IRAG2: variants seen among roughly 807,000 people sequenced by gnomAD.
IRAG2 encodes the protein lymphoid restricted membrane protein.
A neutral mutation model predicts 69.9 loss-of-function variants in IRAG2; 45 were observed. That is an observed-to-expected ratio of 0.64 (90% CI 0.51 to 0.83). The LOEUF is 0.83. Among genes scored for constraint, IRAG2 ranks in the 40% least tolerant of loss-of-function variants. The probability of loss-of-function intolerance (pLI) is 0.00; values close to 1 mark genes in which losing one functional copy is unlikely to be tolerated. For missense variants in IRAG2, 520 were observed against 587.0 expected (o/e 0.89, Z 1.18); for synonymous variants, 193 against 202.4 (o/e 0.95, Z 0.40).
chr12:25,050,514 C>CGA (rs1254672152), upstream of IRAG2, among the ~76,000 whole-genome samples: 1 of 116,366 alleles, frequency 8.6e-6, no homozygotes, highest in African/African-American at 3.0e-5. Flanking sequence ...GGAGACAGAG[C>CGA]GAGACTCCGT....
chr12:25,089,835 G>T, intron 13 of IRAG2, 45 bp downstream of exon 13: 1 of 1,591,042 alleles, frequency 6.3e-7, no homozygotes, highest in South Asian at 1.1e-5. Context: ...AAGTGTTCCA[G>T]ACTCACCTGC....
intron 17 of IRAG2, 143 bp from the exon 18 acceptor site, chr12:25,103,694 C>T (rs1254741829): frequency 8.5e-6 from 5 of 590,840 alleles, no homozygotes; most frequent in African/African-American, 1.9e-5. Context: ...AATTTGGCCA[C>T]AAGAGGATCC....
intron 13 of IRAG2, 56 bp from the exon 14 acceptor site, chr12:25,090,001 C>T (rs1947928029): frequency 1.3e-6 from 2 of 1,559,568 alleles, no homozygotes; most frequent in Non-Finnish European, 1.8e-6. Flanking sequence ...ACTGAAACAT[C>T]TGACCACATC....
chr12:25,071,152 C>A (rs860877), intron 6 of IRAG2, among the ~76,000 whole-genome samples: 1 of 151,714 alleles, frequency 6.6e-6, no homozygotes, highest in Non-Finnish European at 1.5e-5. Flanking sequence ...GTCAGGAGCT[C>A]AAGAACAACC....
chr12:25,036,616 T>A (rs1356401730), exon 15 of IRAG2: 1 of 398,804 alleles, frequency 2.5e-6, no homozygotes, highest in Non-Finnish European at 4.4e-6. Context: ...GCAACCCTCA[T>A]TGAAAACTCT....
chr12:25,078,233 C>G (rs1565564547), intron 6 of IRAG2, among the ~76,000 whole-genome samples: 2 of 152,292 alleles, frequency 1.3e-5, no homozygotes, highest in Non-Finnish European at 2.9e-5. Flanking sequence ...TTTTAATGTA[C>G]TAAACATATA....
chr12:25,024,746 T>G (rs75489784), intron 8 of IRAG2, among the ~76,000 whole-genome samples: 1,604 of 152,320 alleles, frequency 0.011, 31 homozygotes, highest in African/African-American at 0.037. Context: ...AAGCCTATAT[T>G]AGATTCAGAG....
upstream of IRAG2, among the ~76,000 whole-genome samples, chr12:25,001,773 T>TG (rs201842476): frequency 3.9e-4 from 58 of 149,954 alleles, no homozygotes; most frequent in Non-Finnish European, 7.0e-4. Context: ...TCTTTTGGTT[T>TG]TTTTTTTTTT....
At chr12:25,040,460 G>T (rs1176851477) in intron 16 of IRAG2, among the ~76,000 whole-genome samples, 2 of 152,066 alleles carry the variant, frequency 1.3e-5, no homozygotes, top group Non-Finnish European at 2.9e-5. Context: ...CTATAATTGT[G>T]CCAGTGCACT....
chr12:25,097,627 A>G (rs1384369544), intron 15 of IRAG2: 2 of 152,226 alleles, frequency 1.3e-5, no homozygotes. Context: ...ACCTAAGCAG[A>G]CTTGTTAAAA....
chr12:25,091,417 A>G (rs919722733), intron 14 of IRAG2, among the ~76,000 whole-genome samples: 1 of 152,176 alleles, frequency 6.6e-6, no homozygotes, highest in African/African-American at 2.4e-5. Flanking sequence ...ATATTATAGC[A>G]TGTGAGCGGA....
chr12:25,083,338 GC>G, intron 9 of IRAG2, 84 bp from the exon 10 acceptor site: 1 of 823,434 alleles, frequency 1.2e-6, no homozygotes. Flanking sequence ...TTACTGGTCA[GC>G]CCATATTGCC....
At chr12:25,071,300 T>G (rs1946322333) in intron 6 of IRAG2, among the ~76,000 whole-genome samples, 1 of 152,048 alleles carries the variant, frequency 6.6e-6, no homozygotes, top group Admixed American at 6.5e-5. Context: ...GAGCCGAGAT[T>G]GCGCCACTGC....
chr12:25,051,963 G>A (rs1345425193), upstream of IRAG2, among the ~76,000 whole-genome samples: 2 of 152,198 alleles, frequency 1.3e-5, no homozygotes, highest in Admixed American at 1.3e-4. Context: ...TATGAATGCA[G>A]CTGGTGGGAA....
intron 15 of IRAG2, among the ~76,000 whole-genome samples, chr12:25,098,769 T>C (rs1193279128): frequency 6.6e-6 from 1 of 152,184 alleles, no homozygotes; most frequent in Non-Finnish European, 1.5e-5. Flanking sequence ...CTCGACAGAA[T>C]GGTACTCACT....
At chr12:25,013,231 C>T (rs1944491090) in intron 3 of IRAG2, among the ~76,000 whole-genome samples, 1 of 152,152 alleles carries the variant, frequency 6.6e-6, no homozygotes, top group African/African-American at 2.4e-5. Context: ...AATCCCAGCA[C>T]TTTGGAAGGC....
chr12:25,061,445 A>C (rs972653989), intron 1 of IRAG2, 147 bp from the exon 2 acceptor site: 32 of 391,730 alleles, frequency 8.2e-5, no homozygotes, highest in African/African-American at 6.4e-4. Context: ...GGATGGCTTC[A>C]GCCCAGGAGG....
chr12:25,089,658 A>G lies in IRAG2; in HGVS notation c.418A>G (p.Asn140Asp), dbSNP rs1248924182. The G allele has an allele frequency of 6.2e-7, 1 of 1,605,864 alleles. No individual in the cohort carries two copies. Among genetic ancestry groups the G allele is most frequent in the Non-Finnish European group, 8.5e-7 (1 of 1,172,748 alleles). ...PLPVTTVKSV[N>D]LRQSENTSAN... is the part of the protein sequence containing the mutation. ...TCCTGTAACCACTGTGAAATCGGTT[A>G]ACCTTAGACAAAGTGAGAAGTAAGT... Residue 140 changes from asparagine (N) to aspartate (D), a missense_variant, in exon 12 of 22, where the codon AAC becomes GAC. Coordinates refer to ENST00000556887, the MANE Select transcript of IRAG2 (RefSeq NM_001366544.2).
chr12:24,998,567 G>A, the IRAG2 span, among the ~76,000 whole-genome samples: 1 of 152,182 alleles, frequency 6.6e-6, no homozygotes, highest in Non-Finnish European at 1.5e-5. Flanking sequence ...TGGGTTTCCT[G>A]GGAATGTCTC....
Sources: allele counts gnomAD v4.1 joint callset (sites outside exome capture counted in the v4.1 genomes callset), GRCh38; gene constraint gnomAD v4.1.1; transcripts MANE v1.5; gene names NCBI Gene and HGNC (gene_info 2026-07-23, HGNC 2026-07-21).